The following SHISA9 variants were observed in gnomAD, a reference collection of about 807,000 sequenced individuals.
SHISA9 encodes the protein shisa family member 9.
SHISA9 carries 13 observed loss-of-function variants against 38.0 expected under a neutral mutation model. The ratio of observed to expected loss-of-function variants is 0.34; its 90% CI spans 0.22 to 0.54. The LOEUF is 0.54. Ranked by LOEUF, SHISA9 falls within the 20% of genes least tolerant of loss-of-function variation. The probability of loss-of-function intolerance (pLI) is 0.91; values close to 1 mark genes in which losing one functional copy is unlikely to be tolerated. For synonymous variants in SHISA9, 275 were observed against 242.0 expected, an observed-to-expected ratio of 1.14 and a Z score of -1.27; for missense variants, 538 against 575.8, an observed-to-expected ratio of 0.93 and a Z score of 0.67.
At chr16:12,925,226 A>T (rs1199860501) in intron 2 of SHISA9, among the ~76,000 whole-genome samples, 1 of 151,958 alleles carries the variant, frequency 6.6e-6, no homozygotes, top group East Asian at 1.9e-4. Flanking sequence ...GAAACCGTCA[A>T]TTCCTTCCCA....
At chr16:13,526,993 C>G in the SHISA9 span, among the ~76,000 whole-genome samples, 1 of 152,216 alleles carries the variant, frequency 6.6e-6, no homozygotes, top group Non-Finnish European at 1.5e-5. Flanking sequence ...GAAGGAAATG[C>G]CCTTTCCCCT....
chr16:13,160,952 A>T (rs1349801853), intron 2 of SHISA9, among the ~76,000 whole-genome samples: 1 of 152,168 alleles, frequency 6.6e-6, no homozygotes, highest in Non-Finnish European at 1.5e-5. Context: ...AGATATTGGT[A>T]TGAAATGACC....
At chr16:13,554,290 T>C in the SHISA9 span, among the ~76,000 whole-genome samples, 4 of 124,784 alleles carry the variant, frequency 3.2e-5, no homozygotes, top group African/African-American at 1.2e-4. Flanking sequence ...ATCTAGTTGC[T>C]AGAGATTAAA....
the SHISA9 span, among the ~76,000 whole-genome samples, chr16:13,311,222 T>G: frequency 6.6e-6 from 1 of 152,038 alleles, no homozygotes; most frequent in Non-Finnish European, 1.5e-5. Flanking sequence ...GCAAAAACTT[T>G]ATAGATACAT....
chr16:13,156,673 G>A (rs541713511), intron 2 of SHISA9, among the ~76,000 whole-genome samples: 3 of 149,488 alleles, frequency 2.0e-5, no homozygotes, highest in Admixed American at 6.7e-5. Context: ...GGTGGAGCTC[G>A]CAGTAAGCTG....
chr16:13,519,888 C>T, the SHISA9 span, among the ~76,000 whole-genome samples: 2 of 152,154 alleles, frequency 1.3e-5, no homozygotes, highest in Admixed American at 1.3e-4. Flanking sequence ...CCCCATGACA[C>T]TTGGGGATTA....
Position 12,992,966 on chromosome 16 carries a change from C to T in SHISA9, c.691+76151C>T, listed in dbSNP as rs117579571. On this transcript the variant is annotated intron_variant, in intron 2 of 4. Transcript: ENST00000558583. Reference sequence around the variant, plus strand: ...GGAAAATTGAGGCATAGGAAGATTACGTCAAACTTCTAGCGTAGGATTGTC... The same window carrying T: ...GGAAAATTGAGGCATAGGAAGATTATGTCAAACTTCTAGCGTAGGATTGTC... Among the ~76,000 whole-genome samples, 920 of 152,330 alleles carry T rather than the reference C, an allele frequency of 6.0e-3. 7 individuals are homozygous for T. The highest frequency in any genetic ancestry group is 0.034 in the Middle Eastern group (10 of 294).
intron 1 of SHISA9, among the ~76,000 whole-genome samples, chr16:12,908,318 G>A (rs887327345): frequency 6.6e-6 from 1 of 152,174 alleles, no homozygotes; most frequent in Non-Finnish European, 1.5e-5. Context: ...GGAGGGGCTG[G>A]CAGGTGCAGA....
chr16:13,167,786 C>A (rs1486503762), intron 2 of SHISA9, among the ~76,000 whole-genome samples: 1 of 152,122 alleles, frequency 6.6e-6, no homozygotes, highest in Non-Finnish European at 1.5e-5. Flanking sequence ...TCCTGTACAG[C>A]CTGTGGAACT....
chr16:12,958,106 A>C lies in SHISA9; in HGVS notation c.691+41291A>C, dbSNP rs1433613162. 2.0e-5 allele frequency among the ~76,000 whole-genome samples: 3 copies of C among 152,238 alleles called. No homozygotes were observed. In the East Asian group the frequency reaches 5.8e-4, roughly 29 times the overall value. ...AGGTAGAGGAAACAAAATGCTGTCT[A>C]GTTGCTACACTCTTTTGCCCAAATG... On this transcript the variant is annotated intron_variant, in intron 2 of 4. Coordinates refer to ENST00000558583, the MANE Select transcript of SHISA9 (RefSeq NM_001145204.3).
chr16:13,529,808 G>C, the SHISA9 span, among the ~76,000 whole-genome samples: 1 of 152,176 alleles, frequency 6.6e-6, no homozygotes. Context: ...TCTTCAGGCA[G>C]TGCCGTTCCC....
intron 2 of SHISA9, among the ~76,000 whole-genome samples, chr16:12,919,969 C>G (rs1281368514): frequency 6.6e-6 from 1 of 152,208 alleles, no homozygotes; most frequent in Non-Finnish European, 1.5e-5. Flanking sequence ...TATGAACATA[C>G]CCTACCTCCT....
the SHISA9 span, among the ~76,000 whole-genome samples, chr16:13,492,851 A>C: frequency 6.6e-6 from 1 of 152,212 alleles, no homozygotes; most frequent in Admixed American, 6.5e-5. Flanking sequence ...AATATGAAGA[A>C]AGAGCATTGC....
chr16:13,233,507 G>A (rs887624963), intron 4 of SHISA9, among the ~76,000 whole-genome samples: 43 of 152,320 alleles, frequency 2.8e-4, no homozygotes, highest in African/African-American at 9.9e-4. Flanking sequence ...GAAGGACTGG[G>A]TAGTAAATAT....
At chr16:13,534,565 G>A in the SHISA9 span, among the ~76,000 whole-genome samples, 1 of 152,124 alleles carries the variant, frequency 6.6e-6, no homozygotes, top group Non-Finnish European at 1.5e-5. Flanking sequence ...TAACTTCCAA[G>A]TTGCCAAAAT....
At chr16:12,939,592 G>A (rs1409039742) in intron 2 of SHISA9, among the ~76,000 whole-genome samples, 2 of 152,100 alleles carry the variant, frequency 1.3e-5, no homozygotes, top group Non-Finnish European at 2.9e-5. Flanking sequence ...TTATACTCAC[G>A]GAGGTTGTCA....
chr16:12,968,240 C>T (rs1254512279), intron 2 of SHISA9, among the ~76,000 whole-genome samples: 1 of 137,710 alleles, frequency 7.3e-6, no homozygotes, highest in African/African-American at 2.7e-5. Flanking sequence ...AGAGCTCAGG[C>T]TACATATATC....
At chr16:12,979,643 G>A (rs1403400665) in intron 2 of SHISA9, among the ~76,000 whole-genome samples, 1 of 152,044 alleles carries the variant, frequency 6.6e-6, no homozygotes, top group Non-Finnish European at 1.5e-5. Flanking sequence ...GGTGTATCAT[G>A]CTGTATATTA....
At chr16:13,015,275 A>T (rs1207841235) in intron 2 of SHISA9, among the ~76,000 whole-genome samples, 2 of 152,262 alleles carry the variant, frequency 1.3e-5, no homozygotes, top group Non-Finnish European at 2.9e-5. Flanking sequence ...GGCCCCACAA[A>T]GCCTAGAATA....
Sources: gnomAD v4.1 joint callset for allele counts (sites outside exome capture counted in the v4.1 genomes callset) on GRCh38, gnomAD v4.1.1 for gene constraint, MANE v1.5 for transcripts, NCBI Gene and HGNC (gene_info 2026-07-23, HGNC 2026-07-21) for gene names.